The following GRK5 variants were observed in gnomAD, a reference collection of about 807,000 sequenced individuals.
GRK5 encodes the protein g protein-coupled receptor kinase GRK5.
GRK5 carries 40 observed loss-of-function variants against 78.4 expected under a neutral mutation model. The observed-to-expected ratio is 0.51, with a 90% CI of 0.40 to 0.66. GRK5 has a LOEUF of 0.66. GRK5 is among the 30% of genes least tolerant of loss of function. GRK5 has a pLI of 0.00. For synonymous variants in GRK5, 289 were observed against 296.8 expected, an observed-to-expected ratio of 0.97 and a Z score of 0.27; for missense variants, 598 against 759.9, an observed-to-expected ratio of 0.79 and a Z score of 2.50.
At chr10:119,242,857 C>G (rs576063244) in intron 1 of GRK5, among the ~76,000 whole-genome samples, 1 of 152,030 alleles carries the variant, frequency 6.6e-6, no homozygotes, top group South Asian at 2.1e-4. Flanking sequence ...GAGCTCCCCC[C>G]GCCCCCAGCC....
At chr10:119,326,460 G>C (rs1048962399) in intron 1 of GRK5, 56 bp from the exon 2 acceptor site, 10 of 1,453,434 alleles carry the variant, frequency 6.9e-6, no homozygotes, top group African/African-American at 2.8e-5. Context: ...GGCTCACTGC[G>C]GGGACGCCGC....
chr10:119,407,356 C>G lies in GRK5; in HGVS notation c.339+10584C>G, dbSNP rs546645622. The stretch of plus-strand genomic sequence containing the variant: ...TGCTAGAAACAAGGAGAGGAGGCCT[C>G]AAAAGGGATGCTTACTGACTTGGTT... On this transcript the variant is annotated intron_variant, in intron 4 of 15. Transcript: ENST00000392870. 1.2e-4 allele frequency among the ~76,000 whole-genome samples: 18 copies of G among 152,304 alleles called. No individual in the cohort carries two copies. In the South Asian group the frequency reaches 3.5e-3, roughly 30 times the overall value.
chr10:119,261,548 G>A lies in GRK5; in HGVS notation c.52+53579G>A, dbSNP rs949276552. ...GGCACTTTGGGAGGCCAAGGCAGGC[G>A]GCTGGGAGGTGGAGGTTGTAGCGAG... On this transcript the variant is annotated intron_variant, in intron 1 of 15. Coordinates refer to ENST00000392870, the MANE Select transcript of GRK5 (RefSeq NM_005308.3). Among the ~76,000 whole-genome samples, 8 of 151,922 alleles carry A rather than the reference G, an allele frequency of 5.3e-5. No homozygotes were observed. The South Asian group carries it at 6.3e-4, about 12-fold the overall frequency.
rs76422636 is a variant in GRK5 at position 119,207,705 on chromosome 10, AGCGGCGGCGGCG to A, written c.-195_-184del. 10 of 446,834 alleles carry A rather than the reference AGCGGCGGCGGCG, an allele frequency of 2.2e-5. No homozygotes were observed. The highest frequency in any genetic ancestry group is 1.0e-4 in the African/African-American group (4 of 39,378). 27.7% of individuals were successfully genotyped at this position (446,834 alleles called of 1,614,324 possible). On this transcript the variant is annotated 5_prime_UTR_variant, in exon 1 of 16. Coordinates refer to ENST00000392870, the MANE Select transcript of GRK5 (RefSeq NM_005308.3). ...GAGGGGGGACACAGAGGGAGGAAGA[AGCGGCGGCGGCG>A]GCGGCGGCGGCGGCGGCTCCTCTTT...
At chr10:119,265,412 G>A (rs961716826) in intron 1 of GRK5, among the ~76,000 whole-genome samples, 2 of 152,130 alleles carry the variant, frequency 1.3e-5, no homozygotes, top group Non-Finnish European at 2.9e-5. Context: ...GTGTGAGGTG[G>A]GGCCTCTGGG....
chr10:119,430,261 C>G lies in GRK5; in HGVS notation c.534-114C>G, dbSNP rs913084248. 1.9e-5 allele frequency: 17 copies of G among 879,818 alleles called. No individual in the cohort carries two copies. In the African/African-American group the frequency reaches 2.5e-4, roughly 13 times the overall value. 54.5% of individuals were successfully genotyped at this position (879,818 alleles called of 1,614,324 possible). On this transcript the variant is annotated intron_variant, in intron 6 of 15. Transcript: ENST00000392870. The surrounding 1 kb of genome is among the most constrained non-coding windows in gnomAD (Gnocchi z 4.5). The stretch of plus-strand genomic sequence containing the variant: ...GATTCCTGGGGGGTCCCTGGGGCTG[C>G]TGTGGGGCTCCTGGAATTATACCCC...
intron 1 of GRK5, among the ~76,000 whole-genome samples, chr10:119,307,315 C>T (rs1850287871): frequency 2.0e-5 from 3 of 152,006 alleles, no homozygotes; most frequent in Admixed American, 2.0e-4. Context: ...CTAAAGATGT[C>T]GTATCCGAAT....
In GRK5 at chr10:119,431,349, G is replaced by A. The variant is rs748330453; in HGVS notation, c.598-38G>A. 28 of 1,595,368 alleles carry A rather than the reference G, an allele frequency of 1.8e-5. No individual in the cohort carries two copies. The highest frequency in any genetic ancestry group is 2.2e-5 in the East Asian group (1 of 44,556). ...GGAGGAGCTCGGGGCAGGCCTCCACGGTGCTCCTGCCACCCTGGTTTCTTT... is the reference window on the plus strand; with the variant it reads ...GGAGGAGCTCGGGGCAGGCCTCCACAGTGCTCCTGCCACCCTGGTTTCTTT... On this transcript the variant is annotated intron_variant, in intron 7 of 15. Coordinates refer to ENST00000392870, the MANE Select transcript of GRK5 (RefSeq NM_005308.3). The surrounding 1 kb of genome is among the most constrained non-coding windows in gnomAD (Gnocchi z 4.8).
In GRK5 at chr10:119,226,313, A is replaced by ATTTT. The variant is rs746259846; in HGVS notation, c.52+18357_52+18360dup. On this transcript the variant is annotated intron_variant, in intron 1 of 15. Transcript: ENST00000392870. ...TTTCTTTTTTTTTTTTTTAATTTTA[A>ATTTT]TTTTTTTTTTTTTTTTGAGATGAAG... Among the ~76,000 whole-genome samples, 152 of 108,828 alleles carry ATTTT rather than the reference A, an allele frequency of 1.4e-3. 1 individual carries two copies. Among genetic ancestry groups the ATTTT allele is most frequent in the Non-Finnish European group, 2.0e-3 (101 of 50,346 alleles). The allele number at this position is 108,828 out of a possible 152,430, so 71.4% of individuals were successfully genotyped here.
chr10:119,299,399 C>T (rs1307994627), intron 1 of GRK5, among the ~76,000 whole-genome samples: 1 of 151,184 alleles, frequency 6.6e-6, no homozygotes, highest in South Asian at 2.1e-4. Flanking sequence ...CGCCACTGCA[C>T]TCCAGCCTGG....
intron 1 of GRK5, among the ~76,000 whole-genome samples, chr10:119,306,241 C>T (rs1359703735): frequency 3.9e-5 from 6 of 152,290 alleles, no homozygotes; most frequent in South Asian, 2.1e-4. Flanking sequence ...GAAATTTGCC[C>T]GCTAACAGGC....
chr10:119,265,671 C>T (rs1366983841), intron 1 of GRK5, among the ~76,000 whole-genome samples: 3 of 152,218 alleles, frequency 2.0e-5, no homozygotes, highest in Admixed American at 6.5e-5. Flanking sequence ...CTGATCAGTA[C>T]AGTCGGAGTT....
intron 4 of GRK5, among the ~76,000 whole-genome samples, chr10:119,402,377 G>A (rs763802676): frequency 6.6e-6 from 1 of 152,168 alleles, no homozygotes; most frequent in Non-Finnish European, 1.5e-5. Context: ...TCTGAAGAGA[G>A]CTGAGCAGCT....
chr10:119,452,085 A>T lies in GRK5; in HGVS notation c.1405-586A>T, dbSNP rs1005170631. The stretch of plus-strand genomic sequence containing the variant: ...CAGGCCCCCAGTGCACAGCTGAGGG[A>T]CGAGTAAGGCAAAAGATATGCCTAC... On this transcript the variant is annotated intron_variant, in intron 13 of 15. Coordinates refer to ENST00000392870, the MANE Select transcript of GRK5 (RefSeq NM_005308.3). This position sits in a 1 kb window ranked among gnomAD's most constrained non-coding sequence, Gnocchi z 4.4. Among the ~76,000 whole-genome samples, 1 of 152,190 alleles carries T rather than the reference A, an allele frequency of 6.6e-6. No individual in the cohort carries two copies. The highest frequency in any genetic ancestry group is 1.5e-5 in the Non-Finnish European group (1 of 68,022).
chr10:119,291,444 G>A (rs892737879), intron 1 of GRK5, among the ~76,000 whole-genome samples: 9 of 152,176 alleles, frequency 5.9e-5, no homozygotes, highest in African/African-American at 1.9e-4. Flanking sequence ...GTGTGACCAC[G>A]GCTGCCTCGG....
chr10:119,209,786 G>A (rs1237890173), intron 1 of GRK5, among the ~76,000 whole-genome samples: 2 of 152,082 alleles, frequency 1.3e-5, no homozygotes, highest in East Asian at 1.9e-4. Context: ...TGCAAGTTTC[G>A]CTGGTTCCTC....
chr10:119,280,032 G>A, intron 1 of GRK5, among the ~76,000 whole-genome samples: 1 of 152,046 alleles, frequency 6.6e-6, no homozygotes, highest in East Asian at 1.9e-4. Flanking sequence ...GGGCCAGAAT[G>A]GGAAGAGCCC....
intron 13 of GRK5, among the ~76,000 whole-genome samples, chr10:119,451,149 C>G (rs973548920): frequency 8.2e-5 from 12 of 146,796 alleles, no homozygotes; most frequent in African/African-American, 3.1e-4. Context: ...CAGCCCCCCA[C>G]AGTCATCCCA....
intron 1 of GRK5, among the ~76,000 whole-genome samples, chr10:119,269,571 C>T (rs1028238382): frequency 6.6e-6 from 1 of 152,008 alleles, no homozygotes; most frequent in Non-Finnish European, 1.5e-5. Context: ...TGGTTCACGC[C>T]TGTAATCTTA....
Sources: gnomAD v4.1 joint callset for allele counts (sites outside exome capture counted in the v4.1 genomes callset) on GRCh38, gnomAD v4.1.1 for gene constraint, Gnocchi (gnomAD v3.1) non-coding constraint, MANE v1.5 for transcripts, NCBI Gene and HGNC (gene_info 2026-07-23, HGNC 2026-07-21) for gene names.